CCSER1: variants seen among roughly 807,000 people sequenced by gnomAD.
CCSER1 encodes the protein serine-rich coiled-coil domain-containing protein 1.
A neutral mutation model predicts 82.0 loss-of-function variants in CCSER1; 41 were observed. The observed-to-expected ratio is 0.50, with a 90% CI of 0.39 to 0.65. The LOEUF (loss-of-function observed/expected upper bound fraction) is 0.65, where lower values mean the gene tolerates loss of function less well. Among genes scored for constraint, CCSER1 ranks in the 30% least tolerant of loss-of-function variants. CCSER1 has a pLI of 0.00. For synonymous variants in CCSER1, 414 were observed against 383.9 expected, an observed-to-expected ratio of 1.08 and a Z score of -0.92; for missense variants, 1,119 against 1,064.2, an observed-to-expected ratio of 1.05 and a Z score of -0.72.
intron 7 of CCSER1, among the ~76,000 whole-genome samples, chr4:90,804,403 AG>A (rs35176729): frequency 0.34 from 51,651 of 151,812 alleles, 9,007 homozygotes; most frequent in East Asian, 0.42. Flanking sequence ...GGTGTAAGGA[AG>A]GGGGTCCAGT....
At chr4:90,499,289 T>C (rs1769482531) in intron 5 of CCSER1, among the ~76,000 whole-genome samples, 1 of 152,060 alleles carries the variant, frequency 6.6e-6, no homozygotes, top group African/African-American at 2.4e-5. Flanking sequence ...TCTTCCAAAT[T>C]CCCTTGTTAA....
chr4:91,185,266 GGAGCTGT>G (rs528251112), intron 10 of CCSER1, among the ~76,000 whole-genome samples: 125 of 152,302 alleles, frequency 8.2e-4, no homozygotes, highest in Non-Finnish European at 1.3e-3. Context: ...GGCACAATTA[GGAGCTGT>G]GCCATGTGCT....
At chr4:90,388,535 C>T (rs993943509) in intron 3 of CCSER1, among the ~76,000 whole-genome samples, 1 of 152,146 alleles carries the variant, frequency 6.6e-6, no homozygotes, top group African/African-American at 2.4e-5. Context: ...GTCTTGAACT[C>T]CTGACCTCAG....
At chr4:91,406,455 C>A (rs1400151379) in intron 10 of CCSER1, among the ~76,000 whole-genome samples, 1 of 152,022 alleles carries the variant, frequency 6.6e-6, no homozygotes, top group Non-Finnish European at 1.5e-5. Flanking sequence ...AGCCATCTTG[C>A]CAATTGTGTC....
chr4:91,346,892 G>T (rs796907342), intron 10 of CCSER1, among the ~76,000 whole-genome samples: 3 of 152,180 alleles, frequency 2.0e-5, no homozygotes, highest in African/African-American at 7.2e-5. Context: ...TCCATTATCA[G>T]ATATGTGCTT....
At chr4:91,496,631 AAT>A (rs376815582) in intron 10 of CCSER1, among the ~76,000 whole-genome samples, 1,085 of 22,430 alleles carry the variant, frequency 0.048, 291 homozygotes, top group African/African-American at 0.12. Context: ...TATATATTTG[AAT>A]ATATATATAT....
At chr4:90,546,754 C>T (rs866874175) in intron 5 of CCSER1, among the ~76,000 whole-genome samples, 1 of 152,040 alleles carries the variant, frequency 6.6e-6, no homozygotes, top group South Asian at 2.1e-4. Flanking sequence ...TTAGCATCCC[C>T]TAAATATGAG....
chr4:90,350,756 C>T (rs929939405), intron 3 of CCSER1, among the ~76,000 whole-genome samples: 1 of 152,008 alleles, frequency 6.6e-6, no homozygotes, highest in African/African-American at 2.4e-5. Context: ...TTTAAAAGAT[C>T]TTGAAGTACA....
intron 7 of CCSER1, among the ~76,000 whole-genome samples, chr4:90,779,663 C>G (rs1753478623): frequency 6.6e-6 from 1 of 152,218 alleles, no homozygotes; most frequent in Non-Finnish European, 1.5e-5. Flanking sequence ...ATCCCCTCCC[C>G]ACACAGACAT....
At chr4:91,374,093 C>G (rs1750229599) in intron 10 of CCSER1, among the ~76,000 whole-genome samples, 1 of 151,700 alleles carries the variant, frequency 6.6e-6, no homozygotes, top group Admixed American at 6.6e-5. Flanking sequence ...GAAAAGACAC[C>G]ATCTTCATAA....
intron 5 of CCSER1, among the ~76,000 whole-genome samples, chr4:90,591,456 A>G (rs1456925508): frequency 1.3e-5 from 2 of 152,212 alleles, no homozygotes; most frequent in Non-Finnish European, 2.9e-5. Flanking sequence ...ACTGGTCATT[A>G]GAGAAATGCA....
intron 3 of CCSER1, among the ~76,000 whole-genome samples, chr4:90,391,302 A>G (rs1338622818): frequency 1.4e-5 from 2 of 146,736 alleles, no homozygotes; most frequent in African/African-American, 2.5e-5. Flanking sequence ...AAAAAGAAAA[A>G]GAAGTAGCCC....
At chr4:90,748,858 T>C (rs1296140310) in intron 7 of CCSER1, among the ~76,000 whole-genome samples, 1 of 150,106 alleles carries the variant, frequency 6.7e-6, no homozygotes, top group Non-Finnish European at 1.5e-5. Flanking sequence ...TCTGTTCATG[T>C]CCTTTGCCCA....
intron 8 of CCSER1, among the ~76,000 whole-genome samples, chr4:90,878,318 T>C (rs1671021523): frequency 6.6e-6 from 1 of 152,150 alleles, no homozygotes; most frequent in African/African-American, 2.4e-5. Flanking sequence ...CCCTGTCCTT[T>C]CAGATTCTCT....
At chr4:90,472,558 G>A (rs1764541346) in intron 5 of CCSER1, among the ~76,000 whole-genome samples, 1 of 152,082 alleles carries the variant, frequency 6.6e-6, no homozygotes. Flanking sequence ...CAGTGGCGGA[G>A]GACCAGAGCT....
chr4:90,661,915 A>G (rs1021601), intron 6 of CCSER1, among the ~76,000 whole-genome samples: 76,268 of 150,626 alleles, frequency 0.51, 19,613 homozygotes, highest in Middle Eastern at 0.67. Context: ...AAAAAAAAAA[A>G]ATTTATTTTA....
At chr4:90,958,580 G>T (rs1733752538) in intron 9 of CCSER1, among the ~76,000 whole-genome samples, 1 of 152,014 alleles carries the variant, frequency 6.6e-6, no homozygotes, top group Non-Finnish European at 1.5e-5. Context: ...GATGGCTGCA[G>T]CCCACTTGCT....
intron 10 of CCSER1, among the ~76,000 whole-genome samples, chr4:91,584,345 T>G (rs1354189101): frequency 6.6e-6 from 1 of 151,472 alleles, no homozygotes; most frequent in Non-Finnish European, 1.5e-5. Flanking sequence ...GAGGCATGGT[T>G]TCTCAGACTC....
intron 10 of CCSER1, among the ~76,000 whole-genome samples, chr4:91,409,081 C>T (rs1479552264): frequency 2.0e-5 from 3 of 152,146 alleles, no homozygotes; most frequent in Non-Finnish European, 2.9e-5. Flanking sequence ...ATGTTATTCA[C>T]ATGGCATCCT....
Sources: allele counts gnomAD v4.1 joint callset (sites outside exome capture counted in the v4.1 genomes callset), GRCh38; gene constraint gnomAD v4.1.1; transcripts MANE v1.5; gene names NCBI Gene and HGNC (gene_info 2026-07-23, HGNC 2026-07-21).